The following CLNK variants were observed in gnomAD, a reference collection of about 807,000 sequenced individuals.
CLNK encodes the protein cytokine-dependent hematopoietic cell linker.
In CLNK, 74 loss-of-function variants were observed where a neutral mutation model predicts 68.6. The ratio of observed to expected loss-of-function variants is 1.08; its 90% confidence interval spans 0.89 to 1.31. The LOEUF is 1.31. CLNK is among the 50% of genes most tolerant of loss of function. The pLI, the probability that CLNK is intolerant of heterozygous loss-of-function variation, is 0.00. For synonymous variants in CLNK, 198 were observed against 172.2 expected (o/e 1.15, Z -1.17); for missense variants, 553 against 515.3 (o/e 1.07, Z -0.71).
intron 4 of CLNK, among the ~76,000 whole-genome samples, chr4:10,580,360 A>G (rs115440130): frequency 0.01 from 1,536 of 152,310 alleles, 36 homozygotes; most frequent in African/African-American, 0.036. Context: ...AGTGTTTACT[A>G]TATCATACTT....
Position 10,490,375 on chromosome 4 carries a change from G to A in CLNK, c.*92C>T, listed in dbSNP as rs1023007213. ...TCTTTTCTCCAAAGTTAAAAAAGTTGTCCCTTGAAGGCACAGAAAATAAAC... is the reference window on the plus strand; with the variant it reads ...TCTTTTCTCCAAAGTTAAAAAAGTTATCCCTTGAAGGCACAGAAAATAAAC... On this transcript the variant is annotated 3_prime_UTR_variant, in exon 19 of 19. Coordinates refer to ENST00000226951, the MANE Select transcript of CLNK (RefSeq NM_052964.4). 2 of 1,345,394 alleles carry A rather than the reference G, an allele frequency of 1.5e-6. No individual in the cohort carries two copies. Among genetic ancestry groups the A allele is most frequent in the Admixed American group, 5.5e-5 (2 of 36,674 alleles). 83.3% of individuals were successfully genotyped at this position (1,345,394 alleles called of 1,614,324 possible). A position where few individuals can be genotyped will look rare whatever the true frequency, so the allele number is the denominator to read the frequency against.
chr4:10,523,225 G>A (rs764240266), intron 14 of CLNK, among the ~76,000 whole-genome samples: 29 of 152,212 alleles, frequency 1.9e-4, no homozygotes, highest in Non-Finnish European at 3.4e-4. Context: ...GGGATGAAAA[G>A]CTTTGCAGAG....
intron 2 of CLNK, among the ~76,000 whole-genome samples, chr4:10,632,452 C>A (rs528470382): frequency 6.6e-6 from 1 of 152,238 alleles, no homozygotes; most frequent in Admixed American, 6.5e-5. Context: ...CAGTATCCCA[C>A]GCATATCAGA....
At chr4:10,724,772 G>T in the CLNK span, among the ~76,000 whole-genome samples, 1 of 152,156 alleles carries the variant, frequency 6.6e-6, no homozygotes, top group Admixed American at 6.5e-5. Flanking sequence ...GTACAGCCTG[G>T]GGCTCATGTT....
At chr4:10,608,692 A>G (rs1721879503) in intron 2 of CLNK, among the ~76,000 whole-genome samples, 1 of 152,224 alleles carries the variant, frequency 6.6e-6, no homozygotes, top group African/African-American at 2.4e-5. Context: ...GTTATTCTGA[A>G]GTCAACTATG....
chr4:10,542,656 A>ATGTGTG (rs140035866), intron 8 of CLNK, among the ~76,000 whole-genome samples: 16 of 132,192 alleles, frequency 1.2e-4, no homozygotes, highest in Admixed American at 2.4e-4. Context: ...GTGTGTGTGT[A>ATGTGTG]TGTGTGTGTG....
intron 11 of CLNK, among the ~76,000 whole-genome samples, chr4:10,538,943 G>T (rs1332304718): frequency 6.6e-6 from 1 of 152,202 alleles, no homozygotes; most frequent in African/African-American, 2.4e-5. Context: ...TGCAATAATT[G>T]TTGGTTAAAA....
At chr4:10,626,981 G>C (rs1286358624) in intron 2 of CLNK, among the ~76,000 whole-genome samples, 1 of 152,160 alleles carries the variant, frequency 6.6e-6, no homozygotes, top group Non-Finnish European at 1.5e-5. Flanking sequence ...TCTAGAATCT[G>C]GTTCTCATGA....
At chr4:10,583,055 GT>G (rs1234233342) in intron 4 of CLNK, among the ~76,000 whole-genome samples, 7 of 152,120 alleles carry the variant, frequency 4.6e-5, no homozygotes, top group Middle Eastern at 3.2e-3. Context: ...GCCCTCTCCT[GT>G]TTTCAAATGA....
intron 12 of CLNK, 35 bp downstream of exon 12, chr4:10,532,221 C>A (rs1367429378): frequency 6.4e-7 from 1 of 1,567,072 alleles, no homozygotes; most frequent in Admixed American, 1.7e-5. Context: ...CTCAAAATTC[C>A]CTTCTTTGCT....
chr4:10,664,581 A>G (rs971889030), intron 2 of CLNK, among the ~76,000 whole-genome samples: 1 of 152,336 alleles, frequency 6.6e-6, no homozygotes, highest in African/African-American at 2.4e-5. Flanking sequence ...CTCCTGTTCT[A>G]GTTCAGCACT....
intron 2 of CLNK, among the ~76,000 whole-genome samples, chr4:10,615,352 A>C (rs1383123482): frequency 2.6e-5 from 4 of 152,262 alleles, no homozygotes; most frequent in African/African-American, 7.2e-5. Context: ...ATGGTGGCAC[A>C]TGCCTATAAT....
At chr4:10,672,797 A>G (rs1004062297) in intron 1 of CLNK, among the ~76,000 whole-genome samples, 4 of 152,222 alleles carry the variant, frequency 2.6e-5, no homozygotes, top group Non-Finnish European at 4.4e-5. Context: ...CTTGAGTGTC[A>G]GTCTATTCCC....
intron 2 of CLNK, among the ~76,000 whole-genome samples, chr4:10,666,111 C>A (rs962255826): frequency 7.2e-5 from 11 of 152,200 alleles, no homozygotes; most frequent in African/African-American, 2.7e-4. Context: ...CAAGGAAAGC[C>A]AGGAGCCTCT....
intron 5 of CLNK, among the ~76,000 whole-genome samples, chr4:10,567,817 G>A (rs931490918): frequency 6.6e-6 from 1 of 152,166 alleles, no homozygotes; most frequent in African/African-American, 2.4e-5. Flanking sequence ...TAATCCCATG[G>A]AGAGATGCTC....
chr4:10,515,196 C>T (rs556879194), intron 15 of CLNK, among the ~76,000 whole-genome samples: 11 of 152,294 alleles, frequency 7.2e-5, no homozygotes, highest in African/African-American at 2.6e-4. Flanking sequence ...CGAGATCATG[C>T]CATTGCACTC....
At chr4:10,695,846 C>T in the CLNK span, among the ~76,000 whole-genome samples, 5 of 151,736 alleles carry the variant, frequency 3.3e-5, no homozygotes, top group African/African-American at 9.7e-5. Context: ...ATCTTGTCCT[C>T]GATCACAATT....
intron 15 of CLNK, among the ~76,000 whole-genome samples, chr4:10,519,669 A>G (rs1311382393): frequency 2.6e-5 from 4 of 152,218 alleles, no homozygotes. Flanking sequence ...CAGATGGCAT[A>G]TGGCAGAAGT....
chr4:10,592,751 A>C (rs1389589087), intron 3 of CLNK, among the ~76,000 whole-genome samples: 1 of 151,820 alleles, frequency 6.6e-6, no homozygotes, highest in Non-Finnish European at 1.5e-5. Flanking sequence ...TTTGAGGCAG[A>C]GTCTCACTCT....
Sources: gnomAD v4.1 joint callset for allele counts (sites outside exome capture counted in the v4.1 genomes callset) on GRCh38, gnomAD v4.1.1 for gene constraint, MANE v1.5 for transcripts, NCBI Gene and HGNC (gene_info 2026-07-23, HGNC 2026-07-21) for gene names.